The following COL28A1 variants were observed in gnomAD, a reference collection of about 807,000 sequenced individuals.
The protein encoded by COL28A1 is collagen type XXVIII alpha 1 chain.
Under a neutral mutation model 150.2 loss-of-function variants are expected in COL28A1, and 161 were observed. The observed-to-expected ratio is 1.07, with a 90% CI of 0.94 to 1.22. The LOEUF is 1.22. COL28A1 is among the 50% of genes most tolerant of loss of function. COL28A1 has a pLI of 0.00. For synonymous variants in COL28A1, 552 were observed against 469.7 expected (o/e 1.18, Z -2.26); for missense variants, 1,617 against 1,388.3 (o/e 1.16, Z -2.62).
chr7:7,383,282 GTGTGTGTTTT>G (rs746340715), intron 27 of COL28A1, among the ~76,000 whole-genome samples: 14 of 137,820 alleles, frequency 1.0e-4, no homozygotes, highest in African/African-American at 4.0e-4. Flanking sequence ...GTGTGTGTGT[GTGTGTGTTTT>G]TTTTGAGACA....
At chr7:7,452,974 A>G (rs1786831092) in intron 17 of COL28A1, among the ~76,000 whole-genome samples, 1 of 152,238 alleles carries the variant, frequency 6.6e-6, no homozygotes, top group African/African-American at 2.4e-5. Flanking sequence ...GCTCCTCCTC[A>G]AGGAAAAAAT....
intron 30 of COL28A1, among the ~76,000 whole-genome samples, chr7:7,376,490 C>A (rs1781548960): frequency 6.6e-6 from 1 of 152,052 alleles, no homozygotes; most frequent in African/African-American, 2.4e-5. Context: ...TTAAAAAGAA[C>A]ATCTACTGCA....
chr7:7,531,440 C>T lies in COL28A1; in HGVS notation c.589G>A (p.Ala197Thr). 1 of 1,596,512 alleles carries T rather than the reference C, an allele frequency of 6.3e-7. No homozygotes were observed. The highest frequency in any genetic ancestry group is 8.6e-7 in the Non-Finnish European group (1 of 1,164,570). Reference sequence around the variant, plus strand: ...TCCCCAGAAATCAAACGAAGTTTGGCTTCATTGACTACCGTAGAAAGTGCA... The same window carrying T: ...TCCCCAGAAATCAAACGAAGTTTGGTTTCATTGACTACCGTAGAAAGTGCA... ...TIALSTVVNE[A>T]KLRLISGDSS... Residue 197 changes from alanine to threonine, a missense_variant, in exon 3 of 35, where the codon GCC becomes ACC. Physicochemically the swap from Ala to Thr is moderately conservative, Grantham distance 58. Coordinates refer to ENST00000399429, the MANE Select transcript of COL28A1 (RefSeq NM_001037763.3).
At chr7:7,391,882 G>A (rs1227280560) in intron 27 of COL28A1, among the ~76,000 whole-genome samples, 1 of 142,180 alleles carries the variant, frequency 7.0e-6, no homozygotes, top group Non-Finnish European at 1.5e-5. Context: ...GTGTGTCCTT[G>A]CACATGAGAT....
chr7:7,341,377 TCATTA>T, the COL28A1 span, among the ~76,000 whole-genome samples: 4 of 152,094 alleles, frequency 2.6e-5, no homozygotes. Flanking sequence ...TTTTATCATC[TCATTA>T]TTTTCTTTTT....
intron 27 of COL28A1, among the ~76,000 whole-genome samples, chr7:7,387,472 T>G (rs1358837695): frequency 6.6e-6 from 1 of 152,166 alleles, no homozygotes; most frequent in African/African-American, 2.4e-5. Flanking sequence ...TGTTTATTAT[T>G]GTACTGTGTT....
intron 25 of COL28A1, among the ~76,000 whole-genome samples, chr7:7,427,338 G>A (rs1265057586): frequency 6.6e-6 from 1 of 152,184 alleles, no homozygotes; most frequent in East Asian, 1.9e-4. Flanking sequence ...CCAGGCTGAA[G>A]CAATTTTGCA....
At chr7:7,352,061 C>T (rs1301923099), downstream of COL28A1, among the ~76,000 whole-genome samples, 1 of 152,154 alleles carries the variant, frequency 6.6e-6, no homozygotes. Context: ...CCTTGGTCTC[C>T]ACAACCCTCA....
intron 18 of COL28A1, among the ~76,000 whole-genome samples, chr7:7,449,779 G>A (rs1786542134): frequency 6.6e-6 from 1 of 152,010 alleles, no homozygotes; most frequent in African/African-American, 2.4e-5. Flanking sequence ...TTTCTTCAAG[G>A]TATCTGGAAA....
intron 3 of COL28A1, 30 bp from the exon 4 acceptor site, chr7:7,524,279 C>T (rs1343415194): frequency 8.2e-7 from 1 of 1,216,196 alleles, no homozygotes; most frequent in Admixed American, 1.7e-5. Context: ...GAAGCATTAA[C>T]TCGATTGATA....
At chr7:7,340,644 C>A in the COL28A1 span, among the ~76,000 whole-genome samples, 1 of 151,956 alleles carries the variant, frequency 6.6e-6, no homozygotes. Context: ...TTGCCATTTC[C>A]CATCTTTTTT....
chr7:7,469,593 G>C (rs1212321628), intron 15 of COL28A1, among the ~76,000 whole-genome samples: 4 of 95,908 alleles, frequency 4.2e-5, no homozygotes, highest in African/African-American at 1.7e-4. Context: ...TTTCTTCACA[G>C]AATTGGAAAA....
chr7:7,344,331 C>T, the COL28A1 span, among the ~76,000 whole-genome samples: 2 of 151,928 alleles, frequency 1.3e-5, no homozygotes, highest in African/African-American at 4.8e-5. Flanking sequence ...TTCCTGCCTC[C>T]TTTTGTATTA....
At chr7:7,410,263 A>T (rs945531607) in intron 27 of COL28A1, among the ~76,000 whole-genome samples, 1 of 152,186 alleles carries the variant, frequency 6.6e-6, no homozygotes, top group Non-Finnish European at 1.5e-5. Context: ...TTTTAAAAAT[A>T]ATAAAGGTAT....
At chr7:7,353,779 G>C (rs1409938448), downstream of COL28A1, among the ~76,000 whole-genome samples, 1 of 152,082 alleles carries the variant, frequency 6.6e-6, no homozygotes, top group African/African-American at 2.4e-5. Context: ...ATTGTGAAAA[G>C]CTTGAACAAG....
intron 7 of COL28A1, among the ~76,000 whole-genome samples, chr7:7,516,997 T>C (rs532163885): frequency 2.0e-5 from 3 of 152,310 alleles, no homozygotes; most frequent in East Asian, 1.9e-4. Context: ...TATGAGATAA[T>C]AAGCTTTTTA....
intron 14 of COL28A1, 85 bp from the exon 15 acceptor site, chr7:7,474,754 C>A: frequency 1.3e-6 from 1 of 753,144 alleles, no homozygotes; most frequent in Non-Finnish European, 2.3e-6. Context: ...ATGAATTGTG[C>A]TTCAAAATTA....
chr7:7,408,984 C>A (rs1783637008), intron 27 of COL28A1, among the ~76,000 whole-genome samples: 1 of 152,088 alleles, frequency 6.6e-6, no homozygotes, highest in Non-Finnish European at 1.5e-5. Context: ...AAGAGCAGCT[C>A]TGAGTGATTT....
Position 7,531,860 on chromosome 7 carries a change from C to G in COL28A1, c.169G>C (p.Glu57Gln). 8 of 1,609,950 alleles carry G rather than the reference C, an allele frequency of 5.0e-6. No individual in the cohort carries two copies. The highest frequency in any genetic ancestry group is 6.8e-6 in the Non-Finnish European group (8 of 1,176,274). Residue 57 changes from glutamate (E) to glutamine (Q), a missense_variant, in exon 3 of 35, where the codon GAA (glutamate) becomes CAA (glutamine). Transcript: ENST00000399429. ...IDIVFIVDSS[E>Q]SSKIALFDKQ... Reference sequence around the variant, plus strand: ...TCAAAGAGGGCAATTTTAGAACTTTCAGAGCTGTCCACGATGAAGACAATA... The same window carrying G: ...TCAAAGAGGGCAATTTTAGAACTTTGAGAGCTGTCCACGATGAAGACAATA...
Sources: allele counts gnomAD v4.1 joint callset (sites outside exome capture counted in the v4.1 genomes callset), GRCh38; gene constraint gnomAD v4.1.1; transcripts MANE v1.5; gene names NCBI Gene and HGNC (gene_info 2026-07-23, HGNC 2026-07-21).